The following C20orf173 variants were observed in gnomAD, a reference collection of about 807,000 sequenced individuals.
The protein encoded by C20orf173 is uncharacterized protein C20orf173.
Under a neutral mutation model 26.7 loss-of-function variants are expected in C20orf173, and 22 were observed. The ratio of observed to expected loss-of-function variants is 0.82; its 90% CI spans 0.59 to 1.18. The LOEUF is 1.18. Ranked by LOEUF, C20orf173 falls within the 50% of genes most tolerant of loss-of-function variation. C20orf173 has a pLI of 0.00. For missense variants in C20orf173, 210 were observed against 250.3 expected (o/e 0.84, Z 1.09); for synonymous variants, 85 against 96.4 (o/e 0.88, Z 0.69).
chr20:35,527,651 GCTCT>G (rs2064512596), intron 5 of C20orf173, among the ~76,000 whole-genome samples: 1 of 150,992 alleles, frequency 6.6e-6, no homozygotes. Flanking sequence ...ATGGAGTCTC[GCTCT>G]GTCACCAGGC....
At chr20:35,526,642 A>C (rs1224321314), downstream of C20orf173, among the ~76,000 whole-genome samples, 3 of 151,466 alleles carry the variant, frequency 2.0e-5, no homozygotes, top group Non-Finnish European at 4.4e-5. Context: ...AAAAAAAAAA[A>C]AAAAAAAAGC....
At chr20:35,522,447 A>G (rs192816424), downstream of C20orf173, 11 of 151,988 alleles carry the variant, frequency 7.2e-5, no homozygotes, top group East Asian at 1.9e-3. Flanking sequence ...CTTATGAACC[A>G]CTCCAGACCA....
downstream of C20orf173, among the ~76,000 whole-genome samples, chr20:35,525,508 T>C (rs779454898): frequency 2.6e-5 from 4 of 151,886 alleles, no homozygotes; most frequent in African/African-American, 9.7e-5. Flanking sequence ...GCTGAGATCA[T>C]GCCACTGCAC....
chr20:35,526,388 G>C (rs2064502207), downstream of C20orf173, among the ~76,000 whole-genome samples: 1 of 152,168 alleles, frequency 6.6e-6, no homozygotes, highest in South Asian at 2.1e-4. Context: ...CACTTTGGGA[G>C]GCCAAGGCAG....
rs1283907031 is a variant in C20orf173, at chr20:35,529,083, G to A, written c.291C>T (p.Asp97=). 3 of 1,551,162 alleles carry A rather than the reference G, an allele frequency of 1.9e-6. No individual in the cohort carries two copies. Among genetic ancestry groups the A allele is most frequent in the African/African-American group, 2.7e-5 (2 of 73,008 alleles). The change falls in exon 2 of 6, where the codon GAC becomes GAT. Residue 97 remains aspartate (D), a synonymous_variant. Coordinates refer to ENST00000444723, the MANE Select transcript of C20orf173 (RefSeq NM_001145350.2). ...CACTGACCAACCACCAGAGCACAGT[G>A]TCAGAGGTCATAGACTCTCTTGTCC... ...LMRTRESMTS[D]TVLWWLGMNS...
At chr20:35,528,316 G>T in intron 4 of C20orf173, 32 bp from the exon 5 acceptor site, 1 of 1,551,794 alleles carries the variant, frequency 6.4e-7, no homozygotes, top group Non-Finnish European at 8.7e-7. Context: ...GGGAGTTTGG[G>T]CCACAAGACC....
intron 2 of C20orf173, 22 bp from the exon 3 acceptor site, chr20:35,528,901 T>C (rs770954905): frequency 8.8e-5 from 137 of 1,550,720 alleles, no homozygotes; most frequent in Non-Finnish European, 1.2e-4. Flanking sequence ...AAGAGGGAGA[T>C]TGGGGGCTGG....
downstream of C20orf173, among the ~76,000 whole-genome samples, chr20:35,524,605 C>T (rs1023080254): frequency 2.0e-5 from 3 of 152,042 alleles, no homozygotes; most frequent in African/African-American, 7.3e-5. Flanking sequence ...TAAAAGTCAA[C>T]AATCTACTAT....
rs932919613 is a variant in C20orf173, at chr20:35,529,080, A to C, written c.294T>G (p.Thr98=). 6.4e-7 allele frequency: 1 copy of C among 1,550,470 alleles called. No homozygotes were observed. The highest frequency in any genetic ancestry group is 8.7e-7 in the Non-Finnish European group (1 of 1,145,968). ...GACCACTGACCAACCACCAGAGCAC[A>C]GTGTCAGAGGTCATAGACTCTCTTG... is the stretch of plus-strand genomic sequence containing the variant. ...MRTRESMTSD[T]VLWWLGMNSG... The change falls in exon 2 of 6, where the codon ACT becomes ACG. Residue 98 remains threonine (T), a synonymous_variant. Coordinates refer to ENST00000444723, the MANE Select transcript of C20orf173 (RefSeq NM_001145350.2).
rs539408260 is a variant in C20orf173 at position 35,529,313 on chromosome 20, T to A, written c.61A>T (p.Thr21Ser). The part of the protein sequence containing the change: ...VFWVLILWLM[T>S]PYLDLTPESA... ...TCAGGTGTCAGATCCAGATAGGGGG[T>A]CATCAGCCAGAGGATGAGCACCCAA... The change falls in exon 2 of 6, where the codon ACC (threonine) becomes TCC (serine). Residue 21 changes from threonine (T) to serine (S), a missense_variant. Coordinates refer to ENST00000444723, the MANE Select transcript of C20orf173 (RefSeq NM_001145350.2). 7 of 1,550,766 alleles carry A rather than the reference T, an allele frequency of 4.5e-6. No individual in the cohort carries two copies. In the South Asian group the frequency reaches 7.1e-5, roughly 16 times the overall value.
At chr20:35,525,217 A>G (rs181288304), downstream of C20orf173, among the ~76,000 whole-genome samples, 4 of 152,118 alleles carry the variant, frequency 2.6e-5, no homozygotes, top group African/African-American at 7.2e-5. Context: ...ATCATGCTGG[A>G]TGAGAATGGG....
At position 35,528,924 on chromosome 20, in the gene C20orf173, G is replaced by C; in HGVS notation, c.310-45C>G. The C allele has an allele frequency of 3.9e-6, 6 of 1,549,852 alleles. No homozygotes were observed. The South Asian group carries it at 6.0e-5, about 15-fold the overall frequency. On this transcript the variant is annotated intron_variant, in intron 2 of 5. Transcript: ENST00000444723. ...GATTGGGGGCTGGGCCCAGGGGAGA[G>C]AAAACAGAGCTGGGTGGGTGAGATC...
downstream of C20orf173, chr20:35,521,168 ATGGTGG>A (rs1217962710): frequency 6.6e-6 from 1 of 152,664 alleles, no homozygotes. Context: ...AAGACAAAAG[ATGGTGG>A]TGGTGTAACG....
At chr20:35,527,844 G>C (rs2064514260) in intron 5 of C20orf173, among the ~76,000 whole-genome samples, 1 of 152,052 alleles carries the variant, frequency 6.6e-6, no homozygotes, top group Non-Finnish European at 1.5e-5. Flanking sequence ...TAGTAGAGAT[G>C]GAGTTTGACC....
At chr20:35,526,646 AAAAAG>A (rs1229868132), downstream of C20orf173, among the ~76,000 whole-genome samples, 2 of 151,418 alleles carry the variant, frequency 1.3e-5, no homozygotes, top group East Asian at 1.9e-4. Context: ...AAAAAAAAAA[AAAAAG>A]CGAATTGGAA....
Position 35,529,173 on chromosome 20 carries a change from G to C in C20orf173, c.201C>G (p.His67Gln). The change falls in exon 2 of 6, where the codon CAC becomes CAG. Residue 67 changes from histidine (H) to glutamine (Q), a missense_variant. Coordinates refer to ENST00000444723, the MANE Select transcript of C20orf173 (RefSeq NM_001145350.2). The stretch of plus-strand genomic sequence containing the variant: ...GCCAGTTCCATTCGTCGGCTGTGTG[G>C]TGGCAGGAGGAGCAGTTGAGGGTCT... ...PSETLNCSSC[H>Q]HTADEWNWLD... 6.4e-7 allele frequency: 1 copy of C among 1,551,704 alleles called. No individual in the cohort carries two copies. Among genetic ancestry groups the C allele is most frequent in the East Asian group, 2.4e-5 (1 of 40,924 alleles).
At chr20:35,527,442 A>G (rs224402) in intron 5 of C20orf173, among the ~76,000 whole-genome samples, 192 bp from the exon 6 acceptor site, 150,581 of 152,072 alleles carry the variant, frequency 0.99, 74,565 homozygotes, top group Middle Eastern at 1. Context: ...ATGTCAACTC[A>G]CTTTTCCTCA....
chr20:35,526,114 C>A (rs774311295), downstream of C20orf173, among the ~76,000 whole-genome samples: 1 of 152,198 alleles, frequency 6.6e-6, no homozygotes, highest in African/African-American at 2.4e-5. Flanking sequence ...CAGGCTCAGT[C>A]TATCATGAGA....
downstream of C20orf173, chr20:35,526,953 C>T (rs1568861150): frequency 6.6e-6 from 1 of 152,232 alleles, no homozygotes; most frequent in Non-Finnish European, 1.5e-5. Context: ...TGGCCCATCC[C>T]TCCCAGACAC....
Sources: allele counts gnomAD v4.1 joint callset (sites outside exome capture counted in the v4.1 genomes callset), GRCh38; gene constraint gnomAD v4.1.1; transcripts MANE v1.5; gene names NCBI Gene and HGNC (gene_info 2026-07-23, HGNC 2026-07-21).